The following ZNF485 variants were observed in gnomAD, a reference collection of about 807,000 sequenced individuals.
ZNF485 encodes the protein zinc finger protein 485, also known as Zinc finger protein 93 (Zinc finger protein HTF34).
ZNF485 carries 9 observed loss-of-function variants against 10.8 expected under a neutral mutation model. The ratio of observed to expected loss-of-function variants is 0.83; its 90% CI spans 0.50 to 1.45. ZNF485 has a LOEUF of 1.45. Ranked by LOEUF, ZNF485 falls within the 40% of genes most tolerant of loss-of-function variation. ZNF485 has a pLI of 0.00. For missense variants in ZNF485, 487 were observed against 528.0 expected, an observed-to-expected ratio of 0.92 and a Z score of 0.76; for synonymous variants, 187 against 181.0, an observed-to-expected ratio of 1.03 and a Z score of -0.27.
intron 4 of ZNF485, among the ~76,000 whole-genome samples, chr10:43,612,388 TG>T (rs151020822): frequency 0.012 from 1,777 of 152,336 alleles, 17 homozygotes; most frequent in Middle Eastern, 0.054. Flanking sequence ...AACATTTTTT[TG>T]GTCTTTCATA....
intron 4 of ZNF485, among the ~76,000 whole-genome samples, chr10:43,612,517 C>CT (rs1838785550): frequency 6.6e-6 from 1 of 152,032 alleles, no homozygotes; most frequent in Admixed American, 6.6e-5. Context: ...ATTGGGGGTA[C>CT]TTTTTTTGAC....
At chr10:43,609,480 T>C in intron 4 of ZNF485, 130 bp downstream of exon 4, 1 of 654,600 alleles carries the variant, frequency 1.5e-6, no homozygotes, top group Non-Finnish European at 2.6e-6. Flanking sequence ...GATGTCATCC[T>C]CCTGTCAAGT....
intron 4 of ZNF485, 73 bp downstream of exon 4, chr10:43,609,423 A>C: frequency 6.5e-5 from 76 of 1,162,892 alleles, no homozygotes; most frequent in Non-Finnish European, 8.1e-5. Context: ...GTGGAAGCTC[A>C]TCTTTGAGTG....
chr10:43,607,170 C>T (rs1838667289), intron 2 of ZNF485, 96 bp downstream of exon 2: 5 of 1,454,102 alleles, frequency 3.4e-6, no homozygotes, highest in Non-Finnish European at 4.7e-6. Flanking sequence ...TGTGTGTGGA[C>T]AAAGCTACCC....
chr10:43,610,162 A>G (rs969675721), intron 4 of ZNF485, among the ~76,000 whole-genome samples: 13 of 151,676 alleles, frequency 8.6e-5, no homozygotes, highest in South Asian at 2.1e-4. Flanking sequence ...TTTCTTAGGG[A>G]TCTTCTTTTA....
intron 2 of ZNF485, 33 bp from the exon 3 acceptor site, chr10:43,608,581 C>T (rs1373641939): frequency 1.0e-5 from 16 of 1,586,804 alleles, no homozygotes; most frequent in African/African-American, 2.7e-5. Flanking sequence ...CTCAGGGGTT[C>T]CCGGATGAGC....
At chr10:43,609,777 G>A (rs759639718) in intron 4 of ZNF485, among the ~76,000 whole-genome samples, 10 of 152,012 alleles carry the variant, frequency 6.6e-5, no homozygotes, top group Non-Finnish European at 1.2e-4. Context: ...GACTCAAGCC[G>A]TCCTCCTGCC....
chr10:43,609,217 T>C (rs200072997), intron 3 of ZNF485, 38 bp from the exon 4 acceptor site: 500 of 1,520,800 alleles, frequency 3.3e-4, no homozygotes, highest in Admixed American at 9.7e-4. Flanking sequence ...CATTCATTTT[T>C]TTTTTCTTCC....
chr10:43,611,639 G>T (rs1838770389), intron 4 of ZNF485, among the ~76,000 whole-genome samples: 1 of 152,146 alleles, frequency 6.6e-6, no homozygotes, highest in South Asian at 2.1e-4. Context: ...ACATATGAGT[G>T]CCACTTTTAT....
chr10:43,613,574 C>T (rs1838803775), intron 4 of ZNF485, among the ~76,000 whole-genome samples: 1 of 152,210 alleles, frequency 6.6e-6, no homozygotes, highest in Non-Finnish European at 1.5e-5. Context: ...TAGAGTGACT[C>T]ATTGTGTGAC....
chr10:43,616,218 C>T, intron 4 of ZNF485, 73 bp from the exon 5 acceptor site: 2 of 1,223,244 alleles, frequency 1.6e-6, no homozygotes, highest in Non-Finnish European at 2.3e-6. Flanking sequence ...GAACATTATT[C>T]AAGTCCTTGC....
intron 4 of ZNF485, among the ~76,000 whole-genome samples, chr10:43,613,452 A>T (rs781480101): frequency 3.3e-5 from 5 of 152,240 alleles, no homozygotes; most frequent in Non-Finnish European, 5.9e-5. Context: ...CTCAGAATGC[A>T]TGCTGCAGTA....
intron 4 of ZNF485, among the ~76,000 whole-genome samples, chr10:43,614,621 C>CT (rs1838822652): frequency 6.6e-6 from 1 of 152,002 alleles, no homozygotes; most frequent in South Asian, 2.1e-4. Flanking sequence ...CAATCCCTTT[C>CT]TTTTTTGTCA....
chr10:43,613,477 C>G (rs1300739434), intron 4 of ZNF485, among the ~76,000 whole-genome samples: 2 of 152,200 alleles, frequency 1.3e-5, no homozygotes, highest in African/African-American at 4.8e-5. Flanking sequence ...TGCGGGGCCC[C>G]CTGCAGAGTT....
At chr10:43,608,924 T>C (rs1422221304) in intron 3 of ZNF485, among the ~76,000 whole-genome samples, 184 bp downstream of exon 3, 3 of 152,194 alleles carry the variant, frequency 2.0e-5, no homozygotes, top group African/African-American at 7.2e-5. Flanking sequence ...GTCAGAGCCA[T>C]ACAGAGTTAA....
At chr10:43,611,165 AG>A (rs1469353175) in intron 4 of ZNF485, among the ~76,000 whole-genome samples, 1 of 152,010 alleles carries the variant, frequency 6.6e-6, no homozygotes, top group Non-Finnish European at 1.5e-5. Context: ...CCTCCTGAGT[AG>A]CTGGGACCAC....
chr10:43,608,615 G>C lies in ZNF485; in HGVS notation c.26G>C (p.Gly9Ala), dbSNP rs772511344. ...GCAGAATTGGGTTTGGTTTTGCAGG[G>C]ACCGCTGACATTTGGGGATGTGGCT... MAPRAQIQ[G>A]PLTFGDVAVA... Residue 9 changes from glycine to alanine, a missense_variant and splice_region_variant, in exon 3 of 5, where the codon GGA (glycine) becomes GCA (alanine). By Grantham distance (60) the Gly-to-Ala change is moderately conservative. Transcript: ENST00000361807. 12 of 1,612,608 alleles carry C rather than the reference G, an allele frequency of 7.4e-6. No individual in the cohort carries two copies. The highest frequency in any genetic ancestry group is 3.4e-6 in the Non-Finnish European group (4 of 1,179,268).
intron 2 of ZNF485, among the ~76,000 whole-genome samples, chr10:43,607,943 CTTTATAT>C (rs1206832873): frequency 6.6e-6 from 1 of 152,168 alleles, no homozygotes; most frequent in Non-Finnish European, 1.5e-5. Flanking sequence ...ATAGATTTTA[CTTTATAT>C]AGTTACGGCA....
At position 43,617,376 on chromosome 10, in the gene ZNF485, A is replaced by C. The variant is rs1422244578; in HGVS notation, c.*7A>C. The C allele has an allele frequency of 6.5e-7, 1 of 1,529,854 alleles. No homozygotes were observed. Among genetic ancestry groups the C allele is most frequent in the African/African-American group, 1.4e-5 (1 of 71,910 alleles). The allele number at this position is 1,529,854 out of a possible 1,614,324, so 94.8% of individuals were successfully genotyped here. On this transcript the variant is annotated 3_prime_UTR_variant, in exon 5 of 5. Transcript: ENST00000361807. Reference sequence around the variant, plus strand: ...AGCCATGAAATGTAGTTAGTGTGGCAAATTGTGCAGAGTAGTTTATTCCTT... The same window carrying C: ...AGCCATGAAATGTAGTTAGTGTGGCCAATTGTGCAGAGTAGTTTATTCCTT...
Sources: allele counts gnomAD v4.1 joint callset (sites outside exome capture counted in the v4.1 genomes callset), GRCh38; gene constraint gnomAD v4.1.1; transcripts MANE v1.5; gene names NCBI Gene and HGNC (gene_info 2026-07-23, HGNC 2026-07-21).